The following DRC11 variants were observed in gnomAD, a reference collection of about 807,000 sequenced individuals.
DRC11 encodes the protein IQ and AAA domain-containing protein 1.
At chr2:236,344,220 A>G in the DRC11 span, among the ~76,000 whole-genome samples, 1 of 152,218 alleles carries the variant, frequency 6.6e-6, no homozygotes, top group Non-Finnish European at 1.5e-5. Context: ...ATTATGATGA[A>G]CAATAGGAAA....
the DRC11 span, among the ~76,000 whole-genome samples, chr2:236,375,544 T>A: frequency 6.6e-6 from 1 of 152,030 alleles, no homozygotes; most frequent in African/African-American, 2.4e-5. The surrounding 1 kb of genome is among the most constrained non-coding windows in gnomAD (Gnocchi z 4.2). Context: ...CCAAAACATA[T>A]CTTAATAAAT....
At chr2:236,437,496 A>C in the DRC11 span, among the ~76,000 whole-genome samples, 3 of 151,730 alleles carry the variant, frequency 2.0e-5, no homozygotes, top group Non-Finnish European at 4.4e-5. Context: ...TTCTAGTTCT[A>C]GATCCCTGAG....
the DRC11 span, among the ~76,000 whole-genome samples, chr2:236,489,106 A>G: frequency 1.0e-4 from 8 of 79,198 alleles, no homozygotes; most frequent in East Asian, 3.9e-4. Context: ...GGTGCAGGTG[A>G]GGCCTGTGTG....
the DRC11 span, among the ~76,000 whole-genome samples, chr2:236,429,547 G>A: frequency 6.6e-6 from 1 of 152,158 alleles, no homozygotes; most frequent in Non-Finnish European, 1.5e-5. The surrounding 1 kb of genome is among the most constrained non-coding windows in gnomAD (Gnocchi z 5.9). Context: ...TCAGCCTTGG[G>A]TGCATGCAGT....
At chr2:236,398,820 T>C in the DRC11 span, among the ~76,000 whole-genome samples, 3 of 152,268 alleles carry the variant, frequency 2.0e-5, no homozygotes, top group South Asian at 2.1e-4. The surrounding 1 kb of genome is among the most constrained non-coding windows in gnomAD (Gnocchi z 6.2). Context: ...ACATACAGTA[T>C]CAATTTTCTT....
the DRC11 span, among the ~76,000 whole-genome samples, chr2:236,461,259 C>T: frequency 6.6e-6 from 1 of 152,120 alleles, no homozygotes; most frequent in Admixed American, 6.5e-5. This position sits in a 1 kb window ranked among gnomAD's most constrained non-coding sequence, Gnocchi z 4.0. Context: ...TTCTCTGACA[C>T]ACGAGAAAAT....
the DRC11 span, among the ~76,000 whole-genome samples, chr2:236,505,905 A>G: frequency 6.6e-6 from 1 of 152,100 alleles, no homozygotes; most frequent in Non-Finnish European, 1.5e-5. Flanking sequence ...AGCTGCCAAC[A>G]TATTTCCTTT....
chr2:236,458,217 A>T, the DRC11 span, among the ~76,000 whole-genome samples: 1 of 152,236 alleles, frequency 6.6e-6, no homozygotes, highest in Non-Finnish European at 1.5e-5. Context: ...CAACTAAAGC[A>T]TCTCCAAACC....
the DRC11 span, among the ~76,000 whole-genome samples, chr2:236,366,706 C>A: frequency 6.6e-6 from 1 of 152,234 alleles, no homozygotes; most frequent in Middle Eastern, 3.4e-3. Context: ...AATACACCAA[C>A]CTCATTAGGG....
At chr2:236,431,887 G>C in the DRC11 span, among the ~76,000 whole-genome samples, 6 of 152,284 alleles carry the variant, frequency 3.9e-5, no homozygotes, top group Non-Finnish European at 5.9e-5. The surrounding 1 kb of genome is among the most constrained non-coding windows in gnomAD (Gnocchi z 4.2). Flanking sequence ...ATGCTGCTAT[G>C]AACATTCATG....
At chr2:236,359,242 A>G in the DRC11 span, among the ~76,000 whole-genome samples, 1 of 152,062 alleles carries the variant, frequency 6.6e-6, no homozygotes, top group Admixed American at 6.6e-5. The surrounding 1 kb of genome is among the most constrained non-coding windows in gnomAD (Gnocchi z 4.3). Flanking sequence ...ATAGTCTACA[A>G]GTAAATAGTC....
At chr2:236,498,400 G>A in the DRC11 span, among the ~76,000 whole-genome samples, 1 of 151,878 alleles carries the variant, frequency 6.6e-6, no homozygotes, top group East Asian at 1.9e-4. Flanking sequence ...GGGAGGTGGA[G>A]TTTGCAGTGA....
At chr2:236,431,008 G>A in the DRC11 span, among the ~76,000 whole-genome samples, 14 of 152,170 alleles carry the variant, frequency 9.2e-5, no homozygotes, top group African/African-American at 2.9e-4. The surrounding 1 kb of genome is among the most constrained non-coding windows in gnomAD (Gnocchi z 4.2). Flanking sequence ...AATCTGGCCT[G>A]GTGCCTGTTT....
chr2:236,350,873 C>A, the DRC11 span, among the ~76,000 whole-genome samples: 2 of 152,106 alleles, frequency 1.3e-5, no homozygotes, highest in Non-Finnish European at 2.9e-5. This position sits in a 1 kb window ranked among gnomAD's most constrained non-coding sequence, Gnocchi z 5.2. Flanking sequence ...GGTCACAGGA[C>A]CCCTGGTGAC....
chr2:236,368,071 A>G, the DRC11 span: 1 of 715,404 alleles, frequency 1.4e-6, no homozygotes, highest in Non-Finnish European at 2.6e-6. Flanking sequence ...CCCACTCAGA[A>G]TTCTCAGTAG....
chr2:236,383,655 T>C, the DRC11 span, among the ~76,000 whole-genome samples: 2 of 151,906 alleles, frequency 1.3e-5, no homozygotes, highest in African/African-American at 4.8e-5. Context: ...TTTGTTTTGT[T>C]TTTAAAACAA....
the DRC11 span, among the ~76,000 whole-genome samples, chr2:236,418,066 T>C: frequency 6.6e-6 from 1 of 152,326 alleles, no homozygotes; most frequent in Non-Finnish European, 1.5e-5. Flanking sequence ...TACAGAATGA[T>C]TTATAATCCT....
the DRC11 span, among the ~76,000 whole-genome samples, chr2:236,441,799 G>GTTAGAGGTTTAAACA: frequency 6.6e-6 from 1 of 152,124 alleles, no homozygotes; most frequent in East Asian, 1.9e-4. Flanking sequence ...AGGTTTAGAG[G>GTTAGAGGTTTAAACA]TGACCACCAT....
At chr2:236,497,444 C>A in the DRC11 span, 1 of 1,613,428 alleles carries the variant, frequency 6.2e-7, no homozygotes, top group East Asian at 2.2e-5. This position sits in a 1 kb window ranked among gnomAD's most constrained non-coding sequence, Gnocchi z 5.1. Context: ...TCGAGTAAAG[C>A]ACCGAGGGCT....
Sources: gnomAD v4.1 joint callset for allele counts (sites outside exome capture counted in the v4.1 genomes callset) on GRCh38, gnomAD v4.1.1 for gene constraint, Gnocchi (gnomAD v3.1) non-coding constraint, MANE v1.5 for transcripts, NCBI Gene and HGNC (gene_info 2026-07-23, HGNC 2026-07-21) for gene names.